ITGA8: variants seen among roughly 807,000 people sequenced by gnomAD.
ITGA8 encodes the protein integrin alpha-8.
A neutral mutation model predicts 142.3 loss-of-function variants in ITGA8; 91 were observed. The ratio of observed to expected loss-of-function variants is 0.64; its 90% CI spans 0.54 to 0.76. The LOEUF is 0.76. ITGA8 is among the 30% of genes least tolerant of loss of function. The probability of loss-of-function intolerance (pLI) is 0.00; values close to 1 mark genes in which losing one functional copy is unlikely to be tolerated. For synonymous variants in ITGA8, 505 were observed against 485.2 expected (o/e 1.04, Z -0.54); for missense variants, 1,406 against 1,327.7 (o/e 1.06, Z -0.92).
chr10:15,600,787 T>A (rs1360607918), intron 20 of ITGA8, among the ~76,000 whole-genome samples: 1 of 152,174 alleles, frequency 6.6e-6, no homozygotes, highest in African/African-American at 2.4e-5. Flanking sequence ...GCAGCCTGGA[T>A]GAAGGTGGTG....
intron 2 of ITGA8, among the ~76,000 whole-genome samples, chr10:15,694,222 C>T (rs1471373622): frequency 1.5e-5 from 2 of 134,704 alleles, no homozygotes; most frequent in South Asian, 4.5e-4. Context: ...GATAACATAT[C>T]ATATATATGA....
chr10:15,534,584 T>G (rs1261888152), intron 27 of ITGA8, among the ~76,000 whole-genome samples: 1 of 152,190 alleles, frequency 6.6e-6, no homozygotes, highest in Non-Finnish European at 1.5e-5. Context: ...TTGATGGCAA[T>G]TATGAAAGAT....
At chr10:15,669,458 G>T (rs117606456) in intron 8 of ITGA8, among the ~76,000 whole-genome samples, 11,775 of 152,142 alleles carry the variant, frequency 0.077, 528 homozygotes, top group Non-Finnish European at 0.095. Context: ...TTTGCCATTG[G>T]TTCGAATTTC....
At chr10:15,552,541 C>CT (rs921659534) in intron 26 of ITGA8, among the ~76,000 whole-genome samples, 76 of 152,242 alleles carry the variant, frequency 5.0e-4, no homozygotes, top group African/African-American at 1.7e-3. Context: ...GTAGATGTCT[C>CT]TTTTTTATTA....
rs1278545391 is a variant in ITGA8, at chr10:15,516,190, A to G, written c.*968T>C. ...TTAATTAATGAACTCTAGACATTTT[A>G]CCATGACTTTTAAACACTCCAAAGG... is the stretch of plus-strand genomic sequence containing the variant. On this transcript the variant is annotated 3_prime_UTR_variant, in exon 30 of 30. Coordinates refer to ENST00000378076, the MANE Select transcript of ITGA8 (RefSeq NM_003638.3). 6.6e-6 allele frequency: 1 copy of G among 152,210 alleles called. No homozygotes were observed. The highest frequency in any genetic ancestry group is 1.5e-5 in the Non-Finnish European group (1 of 68,038). 9.4% of individuals were successfully genotyped at this position (152,210 alleles called of 1,614,324 possible). A position where few individuals can be genotyped will look rare whatever the true frequency, so the allele number is the denominator to read the frequency against.
At chr10:15,545,134 C>A (rs1341158488) in intron 27 of ITGA8, among the ~76,000 whole-genome samples, 1 of 152,196 alleles carries the variant, frequency 6.6e-6, no homozygotes, top group African/African-American at 2.4e-5. Flanking sequence ...ATTTGTTATG[C>A]ACCAATAGAT....
At chr10:15,625,142 T>C (rs1833558832) in intron 13 of ITGA8, among the ~76,000 whole-genome samples, 1 of 152,050 alleles carries the variant, frequency 6.6e-6, no homozygotes, top group Admixed American at 6.5e-5. Flanking sequence ...CTGTCTGAAA[T>C]GCTTCCAAAT....
chr10:15,569,587 A>G (rs757222095), intron 25 of ITGA8, among the ~76,000 whole-genome samples: 8 of 152,084 alleles, frequency 5.3e-5, no homozygotes, highest in Non-Finnish European at 1.2e-4. Flanking sequence ...AAAACTAACT[A>G]TACAATTTTT....
chr10:15,684,896 G>A (rs1834807389), intron 3 of ITGA8, among the ~76,000 whole-genome samples: 1 of 152,146 alleles, frequency 6.6e-6, no homozygotes, highest in Non-Finnish European at 1.5e-5. Context: ...ATGCAAACAA[G>A]CTAGTAAACC....
At position 15,607,838 on chromosome 10, in the gene ITGA8, G is replaced by A. The variant is rs1427471916; in HGVS notation, c.1610-7C>T. 1 of 1,611,798 alleles carries A rather than the reference G, an allele frequency of 6.2e-7. No individual in the cohort carries two copies. The highest frequency in any genetic ancestry group is 1.3e-5 in the African/African-American group (1 of 74,984). On this transcript the variant is annotated splice_polypyrimidine_tract_variant and splice_region_variant and intron_variant, in intron 16 of 29. Coordinates refer to ENST00000378076, the MANE Select transcript of ITGA8 (RefSeq NM_003638.3). The stretch of plus-strand genomic sequence containing the variant: ...TGCACCTCTGCCATCAAGACTAAAG[G>A]ACAGAAGTAAAGTAGAGAAAAAGTA...
chr10:15,711,645 T>G (rs1286239389), intron 2 of ITGA8, among the ~76,000 whole-genome samples: 1 of 152,102 alleles, frequency 6.6e-6, no homozygotes, highest in African/African-American at 2.4e-5. Flanking sequence ...GAAAGTTCCA[T>G]CAACCTCCCC....
At chr10:15,664,072 G>T (rs1170733166) in intron 8 of ITGA8, among the ~76,000 whole-genome samples, 2 of 152,086 alleles carry the variant, frequency 1.3e-5, no homozygotes, top group Non-Finnish European at 2.9e-5. Flanking sequence ...CTGTTTTATG[G>T]ATACACAGAG....
intron 9 of ITGA8, 85 bp from the exon 10 acceptor site, chr10:15,659,140 A>G (rs571813338): frequency 1.1e-6 from 1 of 897,292 alleles, no homozygotes; most frequent in African/African-American, 1.7e-5. Context: ...ATCATTTAAA[A>G]TTTTTTGTAA....
At chr10:15,610,709 A>T (rs901177978) in intron 15 of ITGA8, among the ~76,000 whole-genome samples, 11 of 152,202 alleles carry the variant, frequency 7.2e-5, no homozygotes, top group Non-Finnish European at 1.6e-4. Context: ...AAAATGAGAT[A>T]AATGTGAAAC....
chr10:15,622,902 G>T (rs1833519891), intron 13 of ITGA8, among the ~76,000 whole-genome samples: 1 of 152,112 alleles, frequency 6.6e-6, no homozygotes, highest in African/African-American at 2.4e-5. Context: ...CAAATGAAGG[G>T]AACATAGATA....
chr10:15,555,908 A>C (rs1206704041), intron 26 of ITGA8, among the ~76,000 whole-genome samples: 8 of 150,762 alleles, frequency 5.3e-5, no homozygotes, highest in Non-Finnish European at 1.0e-4. Flanking sequence ...CACGCTAACC[A>C]GAATGGTCTT....
chr10:15,531,664 G>A (rs909791862), intron 27 of ITGA8, among the ~76,000 whole-genome samples: 4 of 152,274 alleles, frequency 2.6e-5, no homozygotes, highest in East Asian at 1.9e-4. Flanking sequence ...TTGGCTGGGC[G>A]CAGTGGCTCA....
intron 3 of ITGA8, among the ~76,000 whole-genome samples, chr10:15,685,747 ATTAG>A (rs1400749496): frequency 6.6e-6 from 1 of 152,230 alleles, no homozygotes; most frequent in Admixed American, 6.5e-5. Context: ...CTGCTTCTGA[ATTAG>A]TTTGCCTAAT....
rs1483468162 is a variant in ITGA8 at position 15,678,590 on chromosome 10, C to G, written c.630+132G>C. On this transcript the variant is annotated intron_variant, in intron 5 of 29. Transcript: ENST00000378076. ...TTTTTTTAGAAAGCATTTGCCCAAA[C>G]AGGCTAGGTATGTTCCTCAAGATTC... 1.1e-5 allele frequency: 6 copies of G among 554,366 alleles called. No homozygotes were observed. In the Admixed American group the frequency reaches 1.6e-4, roughly 15 times the overall value. 34.3% of individuals were successfully genotyped at this position (554,366 alleles called of 1,614,324 possible). A position where few individuals can be genotyped will look rare whatever the true frequency, so the allele number is the denominator to read the frequency against.
Sources: gnomAD v4.1 joint callset for allele counts (sites outside exome capture counted in the v4.1 genomes callset) on GRCh38, gnomAD v4.1.1 for gene constraint, MANE v1.5 for transcripts, NCBI Gene and HGNC (gene_info 2026-07-23, HGNC 2026-07-21) for gene names.